ZNF431: variants seen among roughly 807,000 people sequenced by gnomAD.
ZNF431 encodes the protein zinc finger protein 431.
A neutral mutation model predicts 57.0 loss-of-function variants in ZNF431; 34 were observed. That is an observed-to-expected ratio of 0.60 (90% CI 0.45 to 0.79). The LOEUF (loss-of-function observed/expected upper bound fraction) is 0.79, where lower values mean the gene tolerates loss of function less well. ZNF431 is among the 30% of genes least tolerant of loss of function. The pLI, the probability that ZNF431 is intolerant of heterozygous loss-of-function variation, is 0.00. For missense variants in ZNF431, 607 were observed against 667.1 expected (o/e 0.91, Z 0.99); for synonymous variants, 207 against 220.3 (o/e 0.94, Z 0.54).
rs1970759317 is a variant in ZNF431 at position 21,167,632 on chromosome 19, T to A, written c.285T>A (p.Asn95Lys). The change falls in exon 4 of 5, where the codon AAT becomes AAA. Residue 95 changes from asparagine (N) to lysine (K), a missense_variant. Physicochemically the swap from Asn to Lys is moderately conservative, Grantham distance 94. Coordinates refer to ENST00000311048, the MANE Select transcript of ZNF431 (RefSeq NM_133473.4). ...TCLEQEKEPW[N>K]MKRHEMVDEP... ...TGGAGCAAGAAAAAGAGCCCTGGAA[T>A]ATGAAGAGACATGAGATGGTGGATG... The A allele has an allele frequency of 1.3e-6, 2 of 1,589,036 alleles. No individual in the cohort carries two copies. The highest frequency in any genetic ancestry group is 1.7e-5 in the Admixed American group (1 of 57,978).
chr19:21,176,674 C>T (rs1281815096), intron 4 of ZNF431, among the ~76,000 whole-genome samples: 3 of 152,050 alleles, frequency 2.0e-5, no homozygotes, highest in Non-Finnish European at 4.4e-5. Flanking sequence ...CGTCTGTTCA[C>T]TCTGATGATA....
At chr19:21,168,469 C>T (rs1473363426) in intron 4 of ZNF431, among the ~76,000 whole-genome samples, 7 of 152,014 alleles carry the variant, frequency 4.6e-5, no homozygotes, top group East Asian at 1.9e-4. Flanking sequence ...TGTGTTCAAG[C>T]GATTCTCCTG....
intron 4 of ZNF431, among the ~76,000 whole-genome samples, chr19:21,174,572 A>G (rs1424263522): frequency 2.0e-5 from 3 of 152,142 alleles, no homozygotes; most frequent in Non-Finnish European, 4.4e-5. Flanking sequence ...CAATATAATT[A>G]TTACCACCTC....
intron 4 of ZNF431, among the ~76,000 whole-genome samples, chr19:21,175,895 T>C (rs1413685170): frequency 2.0e-5 from 3 of 152,230 alleles, no homozygotes; most frequent in African/African-American, 2.4e-5. Context: ...TACACATCCA[T>C]GTATCTTCAT....
chr19:21,143,297 C>T (rs1338595116), intron 1 of ZNF431, among the ~76,000 whole-genome samples: 1 of 152,138 alleles, frequency 6.6e-6, no homozygotes, highest in Non-Finnish European at 1.5e-5. Flanking sequence ...GAATAATCCC[C>T]TGATACTGTA....
At chr19:21,178,115 C>T (rs1359592165) in intron 4 of ZNF431, among the ~76,000 whole-genome samples, 1 of 152,080 alleles carries the variant, frequency 6.6e-6, no homozygotes, top group Non-Finnish European at 1.5e-5. Context: ...ATTTCGCTCT[C>T]TGTTTGTTTA....
chr19:21,149,337 T>C (rs1970198969), intron 2 of ZNF431, among the ~76,000 whole-genome samples: 2 of 152,194 alleles, frequency 1.3e-5, no homozygotes, highest in South Asian at 2.1e-4. Flanking sequence ...AGATCAAATG[T>C]TTATATTTTG....
At chr19:21,154,522 T>G (rs1032862382) in intron 2 of ZNF431, among the ~76,000 whole-genome samples, 4 of 152,230 alleles carry the variant, frequency 2.6e-5, no homozygotes, top group African/African-American at 9.6e-5. Flanking sequence ...TATAAACTTT[T>G]GGGTATATAC....
Position 21,143,577 on chromosome 19 carries a change from T to G in ZNF431, c.30T>G (p.Pro10=). Reference sequence around the variant, plus strand: ...ACGACTTGAAATATGGAGTGTATCCTCTCAAGGAAGCAAGTGGATGCCCTG... The same window carrying G: ...ACGACTTGAAATATGGAGTGTATCCGCTCAAGGAAGCAAGTGGATGCCCTG... MDDLKYGVY[P]LKEASGCPGA... The change falls in exon 2 of 5, where the codon CCT becomes CCG. Residue 10 remains proline, a synonymous_variant. Coordinates refer to ENST00000311048, the MANE Select transcript of ZNF431 (RefSeq NM_133473.4). The G allele has an allele frequency of 6.2e-7, 1 of 1,614,004 alleles. No homozygotes were observed. The highest frequency in any genetic ancestry group is 8.5e-7 in the Non-Finnish European group (1 of 1,179,830).
Position 21,183,040 on chromosome 19 carries a change from C to T in ZNF431, c.737C>T (p.Thr246Ile), listed in dbSNP as rs1330085988. The change falls in exon 5 of 5, where the codon ACC (threonine) becomes ATC (isoleucine). Residue 246 changes from threonine to isoleucine, a missense_variant. Physicochemically the swap from Thr to Ile is moderately conservative, Grantham distance 89 (BLOSUM62 -1). Coordinates refer to ENST00000311048, the MANE Select transcript of ZNF431 (RefSeq NM_133473.4). ...GGCAAAGCTTTTAAATGGTTCTCAACCCTTACTAGACACAAGAGAATTCAT... is the reference window on the plus strand; with the variant it reads ...GGCAAAGCTTTTAAATGGTTCTCAATCCTTACTAGACACAAGAGAATTCAT... ...ECGKAFKWFS[T>I]LTRHKRIHTG... The T allele has an allele frequency of 1.2e-6, 2 of 1,613,808 alleles. No individual in the cohort carries two copies. The highest frequency in any genetic ancestry group is 4.5e-5 in the East Asian group (2 of 44,842).
chr19:21,180,523 T>C (rs1316798542), intron 4 of ZNF431, among the ~76,000 whole-genome samples: 1 of 150,858 alleles, frequency 6.6e-6, no homozygotes, highest in Admixed American at 6.7e-5. Flanking sequence ...TGTGTCTTTG[T>C]TGTACTTATC....
At chr19:21,172,295 G>T (rs1484723018) in intron 4 of ZNF431, among the ~76,000 whole-genome samples, 1 of 151,182 alleles carries the variant, frequency 6.6e-6, no homozygotes, top group South Asian at 2.1e-4. Flanking sequence ...AGACATGGTG[G>T]TGTATGTGTG....
chr19:21,168,282 A>G lies in ZNF431; in HGVS notation c.319+616A>G, dbSNP rs903942014. Among the ~76,000 whole-genome samples, 39 of 152,276 alleles carry G rather than the reference A, an allele frequency of 2.6e-4. 1 individual carries two copies. Among genetic ancestry groups the G allele is most frequent in the Admixed American group, 9.8e-4 (15 of 15,288 alleles). ...TATTTTCTATTGTGAAAAAAATACC[A>G]CTGGAATTATCATGGGGAGTTTATT... On this transcript the variant is annotated intron_variant, in intron 4 of 4. Transcript: ENST00000311048.
chr19:21,170,411 T>C (rs1217257005), intron 4 of ZNF431, among the ~76,000 whole-genome samples: 1 of 151,946 alleles, frequency 6.6e-6, no homozygotes, highest in African/African-American at 2.4e-5. Context: ...TTTCTATACA[T>C]TTTTACTTTC....
At chr19:21,146,631 G>A (rs1261439639) in intron 2 of ZNF431, among the ~76,000 whole-genome samples, 2 of 152,322 alleles carry the variant, frequency 1.3e-5, no homozygotes, top group Non-Finnish European at 1.5e-5. Context: ...ACTTGTGGGA[G>A]TGTAGCAGTG....
At chr19:21,175,392 T>G in intron 4 of ZNF431, 1 of 694,896 alleles carries the variant, frequency 1.4e-6, no homozygotes, top group Non-Finnish European at 2.6e-6. Flanking sequence ...ATAAAGTTAC[T>G]ATTACCAGTT....
Position 21,183,523 on chromosome 19 carries a change from A to G in ZNF431, c.1220A>G (p.Lys407Arg), listed in dbSNP as rs1971274187. 6.2e-7 allele frequency: 1 copy of G among 1,613,590 alleles called. No individual in the cohort carries two copies. Among genetic ancestry groups the G allele is most frequent in the Non-Finnish European group, 8.5e-7 (1 of 1,179,968 alleles). ...CCCTACAAATGTGAAGTGTGTGGCAAAGCCTTTAATGAGTCCTCAAACCTT... is the reference window on the plus strand; with the variant it reads ...CCCTACAAATGTGAAGTGTGTGGCAGAGCCTTTAATGAGTCCTCAAACCTT... ...EKPYKCEVCGKAFNESSNLTT... is the reference protein window; with the variant it reads ...EKPYKCEVCGRAFNESSNLTT... The change falls in exon 5 of 5, where the codon AAA becomes AGA. Residue 407 changes from lysine (K) to arginine (R), a missense_variant. Transcript: ENST00000311048.
At position 21,184,220 on chromosome 19, in the gene ZNF431, C is replaced by G; in HGVS notation, c.*186C>G. On this transcript the variant is annotated 3_prime_UTR_variant, in exon 5 of 5. Transcript: ENST00000311048. The stretch of plus-strand genomic sequence containing the variant: ...CAAAAATTATCTGGGTGTGGTGGCA[C>G]GTGCCTGTATTCCCATCTACTCGGG... The G allele has an allele frequency of 1.9e-6, 1 of 518,122 alleles. No homozygotes were observed. Among genetic ancestry groups the G allele is most frequent in the Non-Finnish European group, 3.3e-6 (1 of 300,290 alleles). 32.1% of individuals were successfully genotyped at this position (518,122 alleles called of 1,614,324 possible). A position where few individuals can be genotyped will look rare whatever the true frequency, so the allele number is the denominator to read the frequency against.
intron 4 of ZNF431, among the ~76,000 whole-genome samples, chr19:21,171,282 T>C (rs1172139922): frequency 6.7e-6 from 1 of 149,552 alleles, no homozygotes; most frequent in Non-Finnish European, 1.5e-5. Context: ...AGTCAACTAT[T>C]GTAGTTATCT....
Sources: allele counts gnomAD v4.1 joint callset (sites outside exome capture counted in the v4.1 genomes callset), GRCh38; gene constraint gnomAD v4.1.1; transcripts MANE v1.5; gene names NCBI Gene and HGNC (gene_info 2026-07-23, HGNC 2026-07-21).